Variants in UGT1A9 observed in about 807,000 individuals in gnomAD.
UGT1A9 encodes the protein UDP glucuronosyltransferase family 1 member A9, also known as UDP-glucuronosyltransferase 1A9.
A neutral mutation model predicts 45.0 loss-of-function variants in UGT1A9; 35 were observed. That is an observed-to-expected ratio of 0.78 (90% confidence interval 0.59 to 1.03). The LOEUF (loss-of-function observed/expected upper bound fraction) is 1.03. Among genes scored for constraint, UGT1A9 ranks in the 50% least tolerant of loss-of-function variants. The pLI is 0.00. For synonymous variants in UGT1A9, 278 were observed against 250.6 expected, an observed-to-expected ratio of 1.11 and a Z score of -1.03; for missense variants, 687 against 666.6, an observed-to-expected ratio of 1.03 and a Z score of -0.34.
In UGT1A9 at chr2:233,760,429, C is replaced by G. The variant is rs747942373; in HGVS notation, c.856-6605C>G. 87 of 1,614,090 alleles carry G rather than the reference C, an allele frequency of 5.4e-5. No homozygotes were observed. The highest frequency in any genetic ancestry group is 6.6e-5 in the Non-Finnish European group (78 of 1,180,040). On this transcript the variant is annotated intron_variant, in intron 1 of 4. Coordinates refer to ENST00000354728, the MANE Select transcript of UGT1A9 (RefSeq NM_021027.3). The stretch of plus-strand genomic sequence containing the variant: ...CTGGCTGAGCATGCTTGGGGCCATC[C>G]AGCAGCTGCAGCAGAGGGGACATGA...
rs1269170912 is a variant in UGT1A9 at position 233,716,767 on chromosome 2, C to G, written c.855+43978C>G. Among the ~76,000 whole-genome samples, 2 of 152,200 alleles carry G rather than the reference C, an allele frequency of 1.3e-5. 1 individual carries two copies. The highest frequency in any genetic ancestry group is 1.3e-4 in the Admixed American group (2 of 15,278). On this transcript the variant is annotated intron_variant, in intron 1 of 4. Coordinates refer to ENST00000354728, the MANE Select transcript of UGT1A9 (RefSeq NM_021027.3). ...ATTGGGAGAGGGGAGCTAGATCACT[C>G]AGGTCAGGCTTTCGGGATGCCTTTT...
intron 1 of UGT1A9, among the ~76,000 whole-genome samples, chr2:233,766,326 C>A (rs192391946): frequency 2.6e-5 from 4 of 152,238 alleles, no homozygotes; most frequent in Non-Finnish European, 4.4e-5. Flanking sequence ...CCAAACTCCG[C>A]GTTGTTCTGC....
In UGT1A9 at chr2:233,769,978, G is replaced by A. The variant is rs35883224; in HGVS notation, c.1295+1539G>A. The stretch of plus-strand genomic sequence containing the variant: ...CTTCTGGCCACCTCAATGTCAGGAT[G>A]TCCTGCTCACATATCAATACCATTA... On this transcript the variant is annotated intron_variant, in intron 4 of 4. Transcript: ENST00000354728. The surrounding 1 kb of genome is among the most constrained non-coding windows in gnomAD (Gnocchi z 4.4). 117 of 202,284 alleles carry A rather than the reference G, an allele frequency of 5.8e-4. 1 individual carries two copies. Among genetic ancestry groups the A allele is most frequent in the African/African-American group, 2.5e-3 (109 of 43,540 alleles). The allele number at this position is 202,284 out of a possible 1,614,324, so 12.5% of individuals were successfully genotyped here.
At chr2:233,676,433 T>C (rs150528789) in intron 1 of UGT1A9, among the ~76,000 whole-genome samples, 2 of 152,316 alleles carry the variant, frequency 1.3e-5, no homozygotes, top group African/African-American at 4.8e-5. Flanking sequence ...TTGTTAAATC[T>C]CATGTTTCTA....
chr2:233,763,704 GA>G lies in UGT1A9; in HGVS notation c.856-3328del, dbSNP rs779879703. On this transcript the variant is annotated intron_variant, in intron 1 of 4. Transcript: ENST00000354728. ...AAAGATAAAACTTTTATTGCACAAA[GA>G]AGTCCATAGAGAAAGCACAACCTGG... Among the ~76,000 whole-genome samples the G allele has an allele frequency of 3.9e-5, 6 of 152,288 alleles. No individual in the cohort carries two copies. The South Asian group carries it at 1.2e-3, about 32-fold the overall frequency.
chr2:233,742,039 T>C (rs553186051), intron 1 of UGT1A9: 6 of 152,044 alleles, frequency 3.9e-5, no homozygotes, highest in African/African-American at 1.5e-4. Context: ...GTCCCAAGCA[T>C]AGCAATAGGA....
At chr2:233,733,916 G>A (rs1485118411) in intron 1 of UGT1A9, among the ~76,000 whole-genome samples, 2 of 151,970 alleles carry the variant, frequency 1.3e-5, no homozygotes, top group South Asian at 2.1e-4. Context: ...GGTAGAATTC[G>A]GCTGTGAGGA....
chr2:233,727,791 C>T (rs1410826393), intron 1 of UGT1A9, among the ~76,000 whole-genome samples: 1 of 152,234 alleles, frequency 6.6e-6, no homozygotes, highest in Non-Finnish European at 1.5e-5. Flanking sequence ...CTTCCATTCA[C>T]TGCCTGTCCC....
rs1019965389 is a variant in UGT1A9, at chr2:233,761,222, C to A, written c.856-5812C>A. 2.1e-5 allele frequency: 34 copies of A among 1,613,256 alleles called. No homozygotes were observed. In the African/African-American group the frequency reaches 4.4e-4, roughly 21 times the overall value. ...GTATTACTTTGGATCGATTAACTAG[C>A]CCCAGATATATGCTGAGCAAGCATT... On this transcript the variant is annotated intron_variant, in intron 1 of 4. Coordinates refer to ENST00000354728, the MANE Select transcript of UGT1A9 (RefSeq NM_021027.3).
At chr2:233,729,778 C>T in intron 1 of UGT1A9, 1 of 1,614,010 alleles carries the variant, frequency 6.2e-7, no homozygotes, top group Non-Finnish European at 8.5e-7. Flanking sequence ...GCTCTACCCT[C>T]TGGCCCTGTC....
intron 1 of UGT1A9, among the ~76,000 whole-genome samples, chr2:233,728,905 G>C (rs1331259486): frequency 6.6e-6 from 1 of 150,586 alleles, no homozygotes; most frequent in Admixed American, 6.6e-5. Flanking sequence ...AGGGTCAGAC[G>C]TGTTTTTCAA....
intron 4 of UGT1A9, chr2:233,770,766 A>G (rs1416026522): frequency 6.6e-6 from 1 of 152,230 alleles, no homozygotes; most frequent in Non-Finnish European, 1.5e-5. Context: ...TTACATTATA[A>G]TAATGTTTCC....
At chr2:233,703,792 A>T (rs2075753488) in intron 1 of UGT1A9, among the ~76,000 whole-genome samples, 1 of 142,782 alleles carries the variant, frequency 7.0e-6, no homozygotes, top group African/African-American at 2.5e-5. Context: ...CTTGTTTTTA[A>T]TGCAGTCTGA....
chr2:233,757,904 G>A (rs539067389), intron 1 of UGT1A9, among the ~76,000 whole-genome samples: 3 of 152,170 alleles, frequency 2.0e-5, no homozygotes, highest in African/African-American at 4.8e-5. Context: ...TTCCATGGAC[G>A]TGTCACTCTT....
rs748158317 is a variant in UGT1A9, at chr2:233,672,236, A to G, written c.302A>G (p.Gln101Arg). ...KAFAHAQWKA[Q>R]VRSIYSLLMG... ...TTTGCCCATGCTCAATGGAAAGCAC[A>G]AGTACGAAGTATATATTCTCTATTA... is the stretch of plus-strand genomic sequence containing the variant. The change falls in exon 1 of 5, where the codon CAA becomes CGA. Residue 101 changes from glutamine (Q) to arginine (R), a missense_variant. Gln to Arg is a conservative substitution (Grantham distance 43, BLOSUM62 1). Coordinates refer to ENST00000354728, the MANE Select transcript of UGT1A9 (RefSeq NM_021027.3). The G allele has an allele frequency of 1.9e-6, 3 of 1,613,996 alleles. No homozygotes were observed. Among genetic ancestry groups the G allele is most frequent in the East Asian group, 4.5e-5 (2 of 44,888 alleles).
Position 233,772,679 on chromosome 2 carries a change from T to C in UGT1A9, c.*120T>C. On this transcript the variant is annotated 3_prime_UTR_variant, in exon 5 of 5. Transcript: ENST00000354728. ...TAAGGAAATACTTTGCATAAATTAATCAGCCCCAGAGTGCTTTAAAAAATT... is the reference window on the plus strand; with the variant it reads ...TAAGGAAATACTTTGCATAAATTAACCAGCCCCAGAGTGCTTTAAAAAATT... The C allele has an allele frequency of 6.5e-7, 1 of 1,531,230 alleles. No homozygotes were observed. Among genetic ancestry groups the C allele is most frequent in the Non-Finnish European group, 8.8e-7 (1 of 1,141,982 alleles). 94.9% of individuals were successfully genotyped at this position (1,531,230 alleles called of 1,614,324 possible).
chr2:233,706,179 C>A (rs2075892284), intron 1 of UGT1A9, among the ~76,000 whole-genome samples: 1 of 152,216 alleles, frequency 6.6e-6, no homozygotes, highest in Non-Finnish European at 1.5e-5. Flanking sequence ...TGTGGTGTGT[C>A]TGCCCAGGCT....
In UGT1A9 at chr2:233,672,073, A is replaced by G; in HGVS notation, c.139A>G (p.Lys47Glu). 1 of 1,614,100 alleles carries G rather than the reference A, an allele frequency of 6.2e-7. No homozygotes were observed. The highest frequency in any genetic ancestry group is 8.5e-7 in the Non-Finnish European group (1 of 1,180,006). ...HWFTMRSVVE[K>E]LILRGHEVVV... The stretch of plus-strand genomic sequence containing the variant: ...GTTCACCATGAGGTCGGTGGTGGAG[A>G]AACTCATTCTCAGGGGGCATGAGGT... Residue 47 changes from lysine to glutamate, a missense_variant, in exon 1 of 5, where the codon AAA becomes GAA. Transcript: ENST00000354728.
chr2:233,754,378 C>A, intron 1 of UGT1A9: 1 of 285,606 alleles, frequency 3.5e-6, no homozygotes, highest in East Asian at 8.9e-5. Flanking sequence ...GATCGAAAGA[C>A]AAACAGAGGT....
Sources: gnomAD v4.1 joint callset for allele counts (sites outside exome capture counted in the v4.1 genomes callset) on GRCh38, gnomAD v4.1.1 for gene constraint, Gnocchi (gnomAD v3.1) non-coding constraint, MANE v1.5 for transcripts, NCBI Gene and HGNC (gene_info 2026-07-23, HGNC 2026-07-21) for gene names.